DOCK8: variants seen among roughly 807,000 people sequenced by gnomAD.
DOCK8 encodes dedicator of cytokinesis 8.
In DOCK8, 141 loss-of-function variants were observed where a neutral mutation model predicts 245.6. The observed-to-expected ratio is 0.57, with a 90% CI of 0.50 to 0.66. DOCK8 has a LOEUF of 0.66. Among genes scored for constraint, DOCK8 ranks in the 30% least tolerant of loss-of-function variants. The pLI is 0.00. For missense variants in DOCK8, 2,965 were observed against 2,603.4 expected (o/e 1.14, Z -3.02); for synonymous variants, 1,168 against 970.2 (o/e 1.20, Z -3.79).
chr9:257,826 T>G (rs930237210), intron 1 of DOCK8, among the ~76,000 whole-genome samples: 7 of 152,266 alleles, frequency 4.6e-5, no homozygotes, highest in Admixed American at 2.0e-4. Context: ...CAGGAGGGCT[T>G]GTGAAAACAC....
chr9:222,020 G>A (rs886979551), intron 1 of DOCK8, among the ~76,000 whole-genome samples: 4 of 152,120 alleles, frequency 2.6e-5, no homozygotes, highest in Admixed American at 6.5e-5. Context: ...GGTGCTTTGG[G>A]AGGCAGACAC....
At position 414,772 on chromosome 9, in the gene DOCK8, G is replaced by A. The variant is rs760907119; in HGVS notation, c.3531-10G>A. On this transcript the variant is annotated splice_polypyrimidine_tract_variant and intron_variant, in intron 28 of 47. Coordinates refer to ENST00000432829, the MANE Select transcript of DOCK8 (RefSeq NM_203447.4). ...ACCATAACCTCTTGATTCCTGTGTT[G>A]TGCCAACAGAATCAGCAAAGTACAA... The A allele has an allele frequency of 4.3e-6, 7 of 1,614,086 alleles. No individual in the cohort carries two copies. The South Asian group carries it at 4.4e-5, about 10-fold the overall frequency.
chr9:220,582 T>C (rs2046858231), intron 1 of DOCK8, among the ~76,000 whole-genome samples: 2 of 152,282 alleles, frequency 1.3e-5, no homozygotes, highest in South Asian at 4.1e-4. Flanking sequence ...GACTTCTTGC[T>C]GAGAAAGCTA....
Position 286,460 on chromosome 9 carries a change from G to T in DOCK8, c.157-1G>T. 3 of 1,613,706 alleles carry T rather than the reference G, an allele frequency of 1.9e-6. No individual in the cohort carries two copies. The highest frequency in any genetic ancestry group is 2.5e-6 in the Non-Finnish European group (3 of 1,179,818). ...CCTTTTCCTTTTCCCTGCCCCTCCA[G>T]CCTCAGTTTTATGACCCTGTGGAGC... is the stretch of plus-strand genomic sequence containing the variant. On this transcript the variant is annotated splice_acceptor_variant, in intron 2 of 47. Transcript: ENST00000432829. LOFTEE classifies it high-confidence loss of function.
chr9:285,557 T>G (rs2048787903), intron 2 of DOCK8, among the ~76,000 whole-genome samples: 1 of 152,208 alleles, frequency 6.6e-6, no homozygotes, highest in African/African-American at 2.4e-5. Context: ...ACAAATCTAC[T>G]TGATCTAAGG....
At chr9:446,199 G>T (rs368480974) in intron 43 of DOCK8, among the ~76,000 whole-genome samples, 171 bp from the exon 44 acceptor site, 14 of 152,302 alleles carry the variant, frequency 9.2e-5, no homozygotes, top group African/African-American at 2.4e-4. Context: ...TCTGTCCTTG[G>T]GGGTGGAGAG....
At chr9:239,091 T>G (rs771460152) in intron 1 of DOCK8, among the ~76,000 whole-genome samples, 7 of 152,308 alleles carry the variant, frequency 4.6e-5, no homozygotes, top group Middle Eastern at 3.4e-3. Flanking sequence ...AGCCAGGAAT[T>G]GATTTATTTT....
chr9:275,188 G>GTATATA (rs2048294958), intron 2 of DOCK8, among the ~76,000 whole-genome samples: 1 of 151,120 alleles, frequency 6.6e-6, no homozygotes, highest in South Asian at 2.1e-4. Flanking sequence ...TGGGTCCTTT[G>GTATATA]TATATATTGG....
chr9:456,918 C>T (rs1432802789), intron 46 of DOCK8: 3 of 152,160 alleles, frequency 2.0e-5, no homozygotes, highest in Non-Finnish European at 2.9e-5. Flanking sequence ...TACTCACTGG[C>T]ACCAGTTACA....
At chr9:411,958 C>T (rs2055751552) in intron 28 of DOCK8, among the ~76,000 whole-genome samples, 1 of 152,174 alleles carries the variant, frequency 6.6e-6, no homozygotes, top group Non-Finnish European at 1.5e-5. Flanking sequence ...TTAAGGGCCT[C>T]TATGAAAAAT....
At chr9:225,976 G>A (rs572420164) in intron 1 of DOCK8, among the ~76,000 whole-genome samples, 1 of 152,188 alleles carries the variant, frequency 6.6e-6, no homozygotes, top group South Asian at 2.1e-4. Flanking sequence ...AGGGAAGTTA[G>A]CAAAGAACGA....
intron 26 of DOCK8, among the ~76,000 whole-genome samples, chr9:401,183 T>C (rs138278234): frequency 6.6e-6 from 1 of 152,286 alleles, no homozygotes; most frequent in African/African-American, 2.4e-5. Context: ...TGGGTCTTAA[T>C]TTCCTCAGTT....
chr9:432,103 C>A, intron 36 of DOCK8, 63 bp from the exon 37 acceptor site: 1 of 1,573,714 alleles, frequency 6.4e-7, no homozygotes, highest in Non-Finnish European at 8.7e-7. Flanking sequence ...ATGCTGCTTT[C>A]AGTTATCTAC....
chr9:281,131 G>T (rs1028745965), intron 2 of DOCK8, among the ~76,000 whole-genome samples: 8 of 152,060 alleles, frequency 5.3e-5, no homozygotes, highest in African/African-American at 1.9e-4. Context: ...GCGCATGCCT[G>T]TAATCCCAGC....
At chr9:412,743 A>G (rs2055803511) in intron 28 of DOCK8, among the ~76,000 whole-genome samples, 1 of 152,184 alleles carries the variant, frequency 6.6e-6, no homozygotes, top group South Asian at 2.1e-4. Context: ...ATGACAAAAC[A>G]CTGTTGAAAG....
At chr9:345,605 A>G (rs1276534178) in intron 14 of DOCK8, among the ~76,000 whole-genome samples, 2 of 152,208 alleles carry the variant, frequency 1.3e-5, no homozygotes, top group Non-Finnish European at 2.9e-5. Context: ...CCTGTCTTAA[A>G]GGAGCAGCTG....
intron 4 of DOCK8, among the ~76,000 whole-genome samples, chr9:291,590 A>T (rs964024115): frequency 6.6e-6 from 1 of 152,144 alleles, no homozygotes; most frequent in African/African-American, 2.4e-5. Context: ...ACCAAAATTT[A>T]TTTAACCAAT....
intron 1 of DOCK8, among the ~76,000 whole-genome samples, chr9:260,207 T>C (rs750394681): frequency 2.6e-5 from 4 of 152,214 alleles, no homozygotes; most frequent in African/African-American, 7.2e-5. Flanking sequence ...GGAGTCCTCA[T>C]GAGAACCTCA....
chr9:340,491 C>A, intron 14 of DOCK8, 170 bp downstream of exon 14: 2 of 797,308 alleles, frequency 2.5e-6, no homozygotes, highest in Non-Finnish European at 4.0e-6. Context: ...CATGGTGGTG[C>A]ATGCTTGTAA....
Sources: gnomAD v4.1 joint callset for allele counts (sites outside exome capture counted in the v4.1 genomes callset) on GRCh38, gnomAD v4.1.1 for gene constraint, MANE v1.5 for transcripts, NCBI Gene and HGNC (gene_info 2026-07-23, HGNC 2026-07-21) for gene names.